Variants in DIAPH2 observed in about 807,000 individuals in gnomAD.
The protein encoded by DIAPH2 is protein diaphanous homolog 2.
DIAPH2 carries 35 observed loss-of-function variants against 92.7 expected under a neutral mutation model. The ratio of observed to expected loss-of-function variants is 0.38; its 90% CI spans 0.29 to 0.50. The LOEUF is 0.50. DIAPH2 is among the 20% of genes least tolerant of loss of function. DIAPH2 has a pLI of 0.94. For synonymous variants in DIAPH2, 301 were observed against 280.4 expected (o/e 1.07, Z -0.73); for missense variants, 701 against 819.5 (o/e 0.86, Z 1.77).
chrX:97,122,682 G>C (rs932445032), intron 21 of DIAPH2, among the ~76,000 whole-genome samples: 1 of 111,922 alleles, frequency 8.9e-6, no homozygotes, highest in African/African-American at 3.2e-5. Flanking sequence ...TGACTTTGTG[G>C]GTTATAATTT....
intron 2 of DIAPH2, 92 bp from the exon 3 acceptor site, chrX:96,738,494 A>G (rs2064100547): frequency 2.8e-6 from 2 of 707,492 alleles, no homozygotes; most frequent in Non-Finnish European, 4.1e-6. Flanking sequence ...GATATGTATT[A>G]TACTAAGTGC....
At chrX:97,457,802 G>C (rs1008846578) in intron 26 of DIAPH2, among the ~76,000 whole-genome samples, 2 of 112,106 alleles carry the variant, frequency 1.8e-5, no homozygotes, top group African/African-American at 6.5e-5. Flanking sequence ...AGGCTCAAGG[G>C]AGCATGTTTG....
At chrX:96,760,003 A>C (rs1347893292) in intron 4 of DIAPH2, among the ~76,000 whole-genome samples, 1 of 111,949 alleles carries the variant, frequency 8.9e-6, no homozygotes, top group African/African-American at 3.2e-5. Flanking sequence ...AAAAGACATG[A>C]AAATTCTATG....
chrX:96,847,617 A>C (rs1405725212), intron 4 of DIAPH2, among the ~76,000 whole-genome samples: 16 of 110,812 alleles, frequency 1.4e-4, no homozygotes, highest in Non-Finnish European at 3.0e-4. Context: ...TGAGTGATCA[A>C]AGGTTGCTCT....
chrX:97,165,802 A>G (rs1341341501), intron 22 of DIAPH2, among the ~76,000 whole-genome samples: 1 of 111,220 alleles, frequency 9.0e-6, no homozygotes, highest in Admixed American at 9.6e-5. Flanking sequence ...CTCTGATGCA[A>G]TTTGAGAATA....
At chrX:96,736,024 G>GT (rs2064085470) in intron 2 of DIAPH2, among the ~76,000 whole-genome samples, 1 of 111,600 alleles carries the variant, frequency 9.0e-6, no homozygotes, top group African/African-American at 3.3e-5. Context: ...TTAACCAAAT[G>GT]TTTTTTAAAA....
At chrX:97,061,750 G>A (rs1345361587) in intron 17 of DIAPH2, among the ~76,000 whole-genome samples, 1 of 103,323 alleles carries the variant, frequency 9.7e-6, no homozygotes, top group Non-Finnish European at 2.0e-5. Flanking sequence ...GGAGGCAGAG[G>A]TTGCAGTAGG....
intron 17 of DIAPH2, among the ~76,000 whole-genome samples, chrX:96,966,304 G>T (rs1185492926): frequency 9.0e-6 from 1 of 111,411 alleles, no homozygotes; most frequent in Non-Finnish European, 1.9e-5. Context: ...ATTTTTCAAT[G>T]ATTCAAGTGA....
At chrX:96,753,124 G>C (rs1212592255) in intron 3 of DIAPH2, among the ~76,000 whole-genome samples, 1 of 112,019 alleles carries the variant, frequency 8.9e-6, no homozygotes, top group Non-Finnish European at 1.9e-5. Flanking sequence ...AGGCCAGGCT[G>C]TGAAGTATAC....
At chrX:97,393,305 G>A (rs1337490297) in intron 25 of DIAPH2, among the ~76,000 whole-genome samples, 1 of 111,736 alleles carries the variant, frequency 8.9e-6, no homozygotes, top group Non-Finnish European at 1.9e-5. Flanking sequence ...ATTGACTGAT[G>A]AGCAAGAGAC....
chrX:97,113,750 T>C (rs768280798), intron 20 of DIAPH2, among the ~76,000 whole-genome samples: 6 of 112,185 alleles, frequency 5.3e-5, no homozygotes, highest in Non-Finnish European at 1.1e-4. Context: ...TATCTGCAGA[T>C]ATGTTGGTGT....
At position 97,058,164 on chromosome X, in the gene DIAPH2, C is replaced by G. The variant is rs943023950; in HGVS notation, c.2051-14777C>G. 1.3e-4 allele frequency among the ~76,000 whole-genome samples: 14 copies of G among 111,341 alleles called. No homozygotes were observed. The East Asian group carries it at 2.2e-3, about 18-fold the overall frequency. On this transcript the variant is annotated intron_variant, in intron 17 of 26. Coordinates refer to ENST00000324765, the MANE Select transcript of DIAPH2 (RefSeq NM_006729.5). ...TTTGCACAGTTCCTATTGATTTTAT[C>G]CAGTAAATCATTGTCTGCTGGGTTT... is the stretch of plus-strand genomic sequence containing the variant.
intron 24 of DIAPH2, among the ~76,000 whole-genome samples, chrX:97,348,840 C>T (rs1388712342): frequency 9.1e-6 from 1 of 109,587 alleles, no homozygotes; most frequent in Non-Finnish European, 1.9e-5. Flanking sequence ...AGTTATGATG[C>T]TAAAAGGAAT....
intron 23 of DIAPH2, among the ~76,000 whole-genome samples, chrX:97,261,696 C>A (rs1808711027): frequency 9.0e-6 from 1 of 110,988 alleles, no homozygotes; most frequent in Admixed American, 9.7e-5. Flanking sequence ...TGTGAGCCAC[C>A]ACGCCTGGCC....
chrX:97,561,008 T>C (rs945097027), intron 26 of DIAPH2, among the ~76,000 whole-genome samples: 2 of 112,249 alleles, frequency 1.8e-5, no homozygotes, highest in African/African-American at 6.5e-5. Flanking sequence ...CCTAGAGTTA[T>C]CTGAAGCATC....
intron 22 of DIAPH2, among the ~76,000 whole-genome samples, chrX:97,169,708 T>G (rs764546581): frequency 9.0e-6 from 1 of 111,390 alleles, no homozygotes; most frequent in African/African-American, 3.3e-5. Context: ...TACAAATAAT[T>G]TTTTAAGAAA....
At chrX:97,414,429 T>G (rs774697209) in intron 25 of DIAPH2, among the ~76,000 whole-genome samples, 2 of 110,966 alleles carry the variant, frequency 1.8e-5, no homozygotes, top group South Asian at 7.7e-4. Context: ...GGCAGGTGGA[T>G]CACGAGTTCA....
intron 23 of DIAPH2, among the ~76,000 whole-genome samples, chrX:97,284,850 C>T (rs146279284): frequency 0.012 from 1,317 of 111,312 alleles, 27 homozygotes; most frequent in African/African-American, 0.041. Flanking sequence ...AAGGCAAGGG[C>T]TATAACCTCA....
chrX:97,408,771 T>A (rs1461140616), intron 25 of DIAPH2, among the ~76,000 whole-genome samples: 1 of 111,795 alleles, frequency 8.9e-6, no homozygotes, highest in Non-Finnish European at 1.9e-5. Context: ...TCTTTTGCTA[T>A]TTTTTAGAAT....
Sources: allele counts gnomAD v4.1 joint callset (sites outside exome capture counted in the v4.1 genomes callset), GRCh38; gene constraint gnomAD v4.1.1; transcripts MANE v1.5; gene names NCBI Gene and HGNC (gene_info 2026-07-23, HGNC 2026-07-21).